HS3ST5: variants seen among roughly 807,000 people sequenced by gnomAD.
HS3ST5 encodes heparan sulfate glucosamine 3-O-sulfotransferase 5.
In HS3ST5, 10 loss-of-function variants were observed where a neutral mutation model predicts 25.4. That is an observed-to-expected ratio of 0.39 (90% CI 0.24 to 0.67). The LOEUF (loss-of-function observed/expected upper bound fraction) is 0.67. HS3ST5 is among the 30% of genes least tolerant of loss of function. The probability of loss-of-function intolerance (pLI) is 0.44; values close to 1 mark genes in which losing one functional copy is unlikely to be tolerated. For missense variants in HS3ST5, 324 were observed against 420.7 expected (o/e 0.77, Z 2.01); for synonymous variants, 170 against 162.4 (o/e 1.05, Z -0.36).
At position 114,210,593 on chromosome 6, in the gene HS3ST5, T is replaced by G. The variant is rs1781473347; in HGVS notation, c.-145+17992A>C. Among the ~76,000 whole-genome samples the G allele has an allele frequency of 3.3e-5, 5 of 152,192 alleles. No homozygotes were observed. In the South Asian group the frequency reaches 1.0e-3, roughly 31 times the overall value. On this transcript the variant is annotated intron_variant, in intron 2 of 4. Transcript: ENST00000312719. ...CAGCATTATAGTCCATAAGAGCATG[T>G]ACTATACCCAGTTAAGGTCTGGGAC...
intron 1 of HS3ST5, among the ~76,000 whole-genome samples, chr6:114,264,018 G>A (rs1321130101): frequency 2.0e-5 from 3 of 151,938 alleles, no homozygotes; most frequent in East Asian, 3.9e-4. Context: ...GCTTTATATC[G>A]TGTCTCTTTC....
intron 3 of HS3ST5, among the ~76,000 whole-genome samples, chr6:114,121,652 C>A (rs1582623751): frequency 6.6e-6 from 1 of 151,906 alleles, no homozygotes; most frequent in South Asian, 2.1e-4. Context: ...AGAATATTTA[C>A]AAATAATTTA....
chr6:114,193,931 G>A (rs1780620603), intron 2 of HS3ST5, among the ~76,000 whole-genome samples: 1 of 152,134 alleles, frequency 6.6e-6, no homozygotes, highest in African/African-American at 2.4e-5. Flanking sequence ...CTGTTTCACA[G>A]CCCATCTAAG....
chr6:114,144,813 G>A (rs1383224542), intron 3 of HS3ST5, among the ~76,000 whole-genome samples: 1 of 152,204 alleles, frequency 6.6e-6, no homozygotes. Flanking sequence ...TCAAAGTACA[G>A]TTGTTAGAAT....
intron 1 of HS3ST5, among the ~76,000 whole-genome samples, chr6:114,295,486 T>C (rs1415310772): frequency 1.3e-5 from 2 of 152,172 alleles, no homozygotes; most frequent in African/African-American, 2.4e-5. Context: ...ATGTATCAGA[T>C]AGGTAGAGCT....
At chr6:114,087,126 T>C (rs981309935) in intron 3 of HS3ST5, among the ~76,000 whole-genome samples, 5 of 152,126 alleles carry the variant, frequency 3.3e-5, no homozygotes, top group Admixed American at 3.3e-4. Context: ...TGGAGCCACT[T>C]TGCATTTAGC....
intron 1 of HS3ST5, among the ~76,000 whole-genome samples, chr6:114,332,634 CGA>C (rs1049672693): frequency 2.0e-5 from 3 of 151,742 alleles, no homozygotes; most frequent in Non-Finnish European, 2.9e-5. Context: ...TTGGGGGTGG[CGA>C]GAGAGTGTGT....
intron 2 of HS3ST5, among the ~76,000 whole-genome samples, chr6:114,224,292 A>T (rs1476393179): frequency 6.6e-6 from 1 of 151,682 alleles, no homozygotes; most frequent in Non-Finnish European, 1.5e-5. Context: ...GATGTGAAAG[A>T]TATGACAGAA....
At chr6:114,126,482 C>G (rs1777045260) in intron 3 of HS3ST5, among the ~76,000 whole-genome samples, 1 of 152,128 alleles carries the variant, frequency 6.6e-6, no homozygotes, top group South Asian at 2.1e-4. Context: ...GATCCTCCAG[C>G]TATGTGCAGT....
At chr6:114,130,018 C>T (rs1000229901) in intron 3 of HS3ST5, among the ~76,000 whole-genome samples, 2 of 151,986 alleles carry the variant, frequency 1.3e-5, no homozygotes, top group African/African-American at 2.4e-5. Context: ...AAAATTGAGG[C>T]GCACATGGGG....
chr6:114,223,960 A>C (rs146956094), intron 2 of HS3ST5, among the ~76,000 whole-genome samples: 1 of 151,704 alleles, frequency 6.6e-6, no homozygotes, highest in Non-Finnish European at 1.5e-5. Context: ...ACAAACTTCT[A>C]TGGTAGCTCT....
chr6:114,180,621 C>T (rs1209849449), intron 2 of HS3ST5, among the ~76,000 whole-genome samples: 3 of 152,076 alleles, frequency 2.0e-5, no homozygotes, highest in African/African-American at 4.8e-5. Flanking sequence ...AGCCTGCAGA[C>T]GGCCTATCGT....
At chr6:114,133,333 C>A (rs985182324) in intron 3 of HS3ST5, among the ~76,000 whole-genome samples, 2 of 152,186 alleles carry the variant, frequency 1.3e-5, no homozygotes, top group Non-Finnish European at 2.9e-5. Context: ...AGCCCATGAC[C>A]CCACTGTTCC....
At chr6:114,146,843 G>A (rs1204083254) in intron 3 of HS3ST5, among the ~76,000 whole-genome samples, 1 of 152,168 alleles carries the variant, frequency 6.6e-6, no homozygotes, top group African/African-American at 2.4e-5. Flanking sequence ...CCTCTGCCAT[G>A]AGTAACAGCT....
intron 1 of HS3ST5, among the ~76,000 whole-genome samples, chr6:114,341,473 C>T (rs1342375258): frequency 2.0e-5 from 3 of 152,134 alleles, no homozygotes; most frequent in African/African-American, 7.2e-5. Context: ...TTGCCCTAAA[C>T]CAAGGTGGTC....
At chr6:114,170,971 T>C (rs1218570158) in intron 2 of HS3ST5, among the ~76,000 whole-genome samples, 1 of 152,170 alleles carries the variant, frequency 6.6e-6, no homozygotes, top group Non-Finnish European at 1.5e-5. Flanking sequence ...TTGCATCTTT[T>C]GTTGGTTTCT....
At chr6:114,077,022 C>T (rs1337167720) in intron 3 of HS3ST5, among the ~76,000 whole-genome samples, 1 of 152,158 alleles carries the variant, frequency 6.6e-6, no homozygotes, top group African/African-American at 2.4e-5. Flanking sequence ...TGCTTATCTT[C>T]CCTGGAGTTA....
rs538983504 is a variant in HS3ST5, at chr6:114,170,633, C to T, written c.-144-2171G>A. Among the ~76,000 whole-genome samples, 16 of 152,182 alleles carry T rather than the reference C, an allele frequency of 1.1e-4. No homozygotes were observed. In the South Asian group the frequency reaches 3.3e-3, roughly 32 times the overall value. ...CTCTGATTCAACATCAAACTGACAA[C>T]CATGACCTGAGAAAGAGTTATCTTT... On this transcript the variant is annotated intron_variant, in intron 2 of 4. Coordinates refer to ENST00000312719, the MANE Select transcript of HS3ST5 (RefSeq NM_153612.4).
At chr6:114,256,552 C>T (rs1015540110) in intron 1 of HS3ST5, among the ~76,000 whole-genome samples, 14 of 152,160 alleles carry the variant, frequency 9.2e-5, no homozygotes, top group Non-Finnish European at 2.9e-5. Flanking sequence ...GGCAAAATAT[C>T]ACCATCTCTT....
Sources: allele counts gnomAD v4.1 joint callset (sites outside exome capture counted in the v4.1 genomes callset), GRCh38; gene constraint gnomAD v4.1.1; transcripts MANE v1.5; gene names NCBI Gene and HGNC (gene_info 2026-07-23, HGNC 2026-07-21).